Variants in ERN2 observed in about 807,000 individuals in gnomAD.
The protein encoded by ERN2 is endoplasmic reticulum to nucleus signaling 2.
A neutral mutation model predicts 107.9 loss-of-function variants in ERN2; 111 were observed. The observed-to-expected ratio is 1.03, with a 90% CI of 0.88 to 1.20. ERN2 has a LOEUF of 1.20. Among genes scored for constraint, ERN2 ranks in the 50% most tolerant of loss-of-function variants. The pLI, the probability that ERN2 is intolerant of heterozygous loss-of-function variation, is 0.00. For synonymous variants in ERN2, 524 were observed against 501.7 expected (o/e 1.04, Z -0.59); for missense variants, 1,225 against 1,197.9 (o/e 1.02, Z -0.33).
intron 4 of ERN2, 21 bp downstream of exon 4, chr16:23,710,151 C>T (rs372621894): frequency 6.5e-5 from 104 of 1,589,408 alleles, no homozygotes; most frequent in Admixed American, 2.2e-4. Context: ...CACCCATTCC[C>T]GAACACCATG....
chr16:23,702,829 T>A, intron 8 of ERN2, 127 bp from the exon 9 acceptor site: 1 of 803,756 alleles, frequency 1.2e-6, no homozygotes, highest in Non-Finnish European at 2.1e-6. Flanking sequence ...AGACTTGCTT[T>A]AATCAATTAG....
chr16:23,695,573 T>A (rs1480011589), intron 14 of ERN2, among the ~76,000 whole-genome samples, 184 bp from the exon 15 acceptor site: 2 of 150,872 alleles, frequency 1.3e-5, no homozygotes, highest in East Asian at 3.9e-4. Flanking sequence ...CTAAAAAAAA[T>A]ATAAAAATTA....
Position 23,712,960 on chromosome 16 carries a change from G to A in ERN2, c.93+135C>T, listed in dbSNP as rs79611075. On this transcript the variant is annotated intron_variant, in intron 1 of 21. Coordinates refer to ENST00000256797, the MANE Select transcript of ERN2 (RefSeq NM_033266.4). ...AGGAGGCTTTTACTCCGTTGGGGCC[G>A]AGTTGGGACCACCCAGGCGTGAGGG... is the stretch of plus-strand genomic sequence containing the variant. The A allele has an allele frequency of 1.8e-3, 1,188 of 657,718 alleles. 11 individuals carry two copies. The African/African-American group carries it at 0.021, about 12-fold the overall frequency. 40.7% of individuals were successfully genotyped at this position (657,718 alleles called of 1,614,324 possible). A position where few individuals can be genotyped will look rare whatever the true frequency, so the allele number is the denominator to read the frequency against.
At chr16:23,706,732 G>A (rs374298560) in intron 6 of ERN2, 22 bp downstream of exon 6, 244 of 1,525,946 alleles carry the variant, frequency 1.6e-4, no homozygotes, top group Middle Eastern at 6.9e-4. Context: ...AGAGCTTGAG[G>A]AACAGCTGGG....
intron 13 of ERN2, among the ~76,000 whole-genome samples, chr16:23,699,345 A>G (rs1959955531): frequency 6.6e-6 from 1 of 152,180 alleles, no homozygotes; most frequent in Non-Finnish European, 1.5e-5. Context: ...AGCAGTGACT[A>G]GAAGGTGCCA....
chr16:23,700,607 G>A lies in ERN2; in HGVS notation c.1457C>T (p.Ala486Val). 6.2e-7 allele frequency: 1 copy of A among 1,614,000 alleles called. No homozygotes were observed. Among genetic ancestry groups the A allele is most frequent in the Non-Finnish European group, 8.5e-7 (1 of 1,179,936 alleles). ...SQDAQSLHSGASRRSQKRLQS... is the reference protein window; with the variant it reads ...SQDAQSLHSGVSRRSQKRLQS... ...AAGCCTCTTCTGGCTCCTCCGGCTG[G>A]CCCCCGAGTGCAGGGACTGGGCATC... The change falls in exon 13 of 22, where the codon GCC (alanine) becomes GTC (valine). Residue 486 changes from alanine to valine, a missense_variant. Transcript: ENST00000256797.
intron 4 of ERN2, 115 bp from the exon 5 acceptor site, chr16:23,707,194 T>A (rs1312039756): frequency 2.6e-6 from 2 of 771,438 alleles, no homozygotes; most frequent in African/African-American, 3.4e-5. Context: ...TCATTTCCAC[T>A]TTTCAGGTAA....
Position 23,704,996 on chromosome 16 carries a change from C to T in ERN2, c.741G>A (p.Thr247=), listed in dbSNP as rs753011316. ...QDGLRQLPHL[T]LARDTLHFLA... is the part of the protein sequence containing the mutation. ...GGAAATGCAGAGTGTCTCGAGCCAG[C>T]GTGAGATGCGGCAGCTGGCGCAGGC... The change falls in exon 8 of 22, where the codon ACG becomes ACA. Residue 247 remains threonine, a synonymous_variant. Coordinates refer to ENST00000256797, the MANE Select transcript of ERN2 (RefSeq NM_033266.4). The T allele has an allele frequency of 1.4e-5, 23 of 1,613,918 alleles. No homozygotes were observed. In the Admixed American group the frequency reaches 3.0e-4, roughly 21 times the overall value.
In ERN2 at chr16:23,705,566, G is replaced by GGGGC. The variant is rs573988974; in HGVS notation, c.590-423_590-420dup. Among the ~76,000 whole-genome samples, 20 of 152,144 alleles carry GGGGC rather than the reference G, an allele frequency of 1.3e-4. 2 individuals are homozygous for GGGGC. The South Asian group carries it at 4.2e-3, about 32-fold the overall frequency. ...CAGAATGATGGAATCAGGGCTTGAG[G>GGGGC]GGGCCTTGGGGCACCTGTAAGGTCA... On this transcript the variant is annotated intron_variant, in intron 7 of 21. Coordinates refer to ENST00000256797, the MANE Select transcript of ERN2 (RefSeq NM_033266.4).
Position 23,706,335 on chromosome 16 carries a change from C to A in ERN2, c.584G>T (p.Gly195Val), listed in dbSNP as rs867818523. ...YSAPPMDGSP[G>V]KYMSHLASCG... ...CAGAGAAAGGTGGAACTCACATTTC[C>A]CAGGTGAGCCATCCATGGGGGGCGC... Residue 195 changes from glycine (G) to valine (V), a missense_variant, in exon 7 of 22, where the codon GGG becomes GTG. Transcript: ENST00000256797. The A allele has an allele frequency of 6.5e-7, 1 of 1,527,438 alleles. No individual in the cohort carries two copies. The highest frequency in any genetic ancestry group is 1.3e-5 in the South Asian group (1 of 78,066). The allele number at this position is 1,527,438 out of a possible 1,614,324, so 94.6% of individuals were successfully genotyped here. A position where few individuals can be genotyped will look rare whatever the true frequency, so the allele number is the denominator to read the frequency against.
intron 12 of ERN2, 121 bp from the exon 13 acceptor site, chr16:23,700,825 G>T: frequency 6.8e-7 from 1 of 1,462,298 alleles, no homozygotes. Context: ...AGATCGCAGG[G>T]GCCTGGGGAG....
intron 1 of ERN2, chr16:23,711,969 A>G (rs1053037141): frequency 7.3e-6 from 3 of 409,352 alleles, no homozygotes; most frequent in African/African-American, 6.2e-5. Flanking sequence ...ACCCGTACTT[A>G]CATCTGGCGA....
chr16:23,692,084 A>T lies in ERN2; in HGVS notation c.2255T>A (p.Val752Glu). The T allele has an allele frequency of 1.9e-6, 3 of 1,613,688 alleles. No homozygotes were observed. Among genetic ancestry groups the T allele is most frequent in the Non-Finnish European group, 2.5e-6 (3 of 1,180,000 alleles). The change falls in exon 19 of 22, where the codon GTG (valine) becomes GAG (glutamate). Residue 752 changes from valine to glutamate, a missense_variant. Coordinates refer to ENST00000256797, the MANE Select transcript of ERN2 (RefSeq NM_033266.4). ...GGCTCCAACCAGGTCCCGGGCAACCACCTTGTCTGGAGGATGGAAGAGGAG... is the reference window on the plus strand; with the variant it reads ...GGCTCCAACCAGGTCCCGGGCAACCTCCTTGTCTGGAGGATGGAAGAGGAG... ...AHLEEEVHDK[V>E]VARDLVGAML...
In ERN2 at chr16:23,713,097, G is replaced by A. The variant is rs866656207; in HGVS notation, c.91C>T (p.Gln31Ter). 2 of 1,574,916 alleles carry A rather than the reference G, an allele frequency of 1.3e-6. No individual in the cohort carries two copies. The highest frequency in any genetic ancestry group is 1.4e-5 in the African/African-American group (1 of 73,848). ...TGGCGTCGGTCCCTGGCTCTCACCTGTGGACTCAGCGTCCCGAGCAGCAGC... is the reference window on the plus strand; with the variant it reads ...TGGCGTCGGTCCCTGGCTCTCACCTATGGACTCAGCGTCCCGAGCAGCAGC... ...AALLLGTLSP[Q>*]VHTLRPENLL... The change falls in exon 1 of 22, where the codon CAG (glutamine) becomes TAG (stop). Residue 31 changes from glutamine to a stop codon, truncating the protein, a stop_gained and splice_region_variant. Coordinates refer to ENST00000256797, the MANE Select transcript of ERN2 (RefSeq NM_033266.4). LOFTEE classifies it high-confidence loss of function.
intron 8 of ERN2, 124 bp downstream of exon 8, chr16:23,704,759 A>G (rs1280757489): frequency 1.8e-6 from 2 of 1,104,800 alleles, no homozygotes; most frequent in African/African-American, 1.5e-5. Context: ...ACCAATTTGA[A>G]ATGTTTTGAC....
chr16:23,707,065 G>A lies in ERN2; in HGVS notation c.321C>T (p.Thr107=). ...KQQGLMKLPF[T]IPELVHASPC... is the part of the protein sequence containing the mutation. ...GAGAGGCATGAACCAGCTCAGGGAT[G>A]GTGAATGGCAGTTTCTAGGAGACGG... Residue 107 remains threonine (T), a synonymous_variant, in exon 5 of 22, where the codon ACC becomes ACT. Transcript: ENST00000256797. The A allele has an allele frequency of 6.2e-7, 1 of 1,613,940 alleles. No individual in the cohort carries two copies. Among genetic ancestry groups the A allele is most frequent in the Non-Finnish European group, 8.5e-7 (1 of 1,179,794 alleles).
At chr16:23,707,216 C>T in intron 4 of ERN2, 137 bp from the exon 5 acceptor site, 2 of 686,334 alleles carry the variant, frequency 2.9e-6, no homozygotes, top group East Asian at 5.4e-5. Context: ...GAAACTGGGG[C>T]TTGGAGAGGC....
At chr16:23,701,774 T>G (rs1960077508) in intron 11 of ERN2, among the ~76,000 whole-genome samples, 1 of 151,906 alleles carries the variant, frequency 6.6e-6, no homozygotes, top group Non-Finnish European at 1.5e-5. Flanking sequence ...GGACTACAGA[T>G]GCACACAACC....
chr16:23,696,444 A>G (rs1435024588), intron 13 of ERN2, among the ~76,000 whole-genome samples: 1 of 152,170 alleles, frequency 6.6e-6, no homozygotes, highest in African/African-American at 2.4e-5. Flanking sequence ...TTTAATTGAC[A>G]CTGAATCAGC....
Sources: allele counts gnomAD v4.1 joint callset (sites outside exome capture counted in the v4.1 genomes callset), GRCh38; gene constraint gnomAD v4.1.1; transcripts MANE v1.5; gene names NCBI Gene and HGNC (gene_info 2026-07-23, HGNC 2026-07-21).